ZDHHC14: variants seen among roughly 807,000 people sequenced by gnomAD.
The protein encoded by ZDHHC14 is palmitoyltransferase ZDHHC14.
A neutral mutation model predicts 47.7 loss-of-function variants in ZDHHC14; 16 were observed. The ratio of observed to expected loss-of-function variants is 0.34; its 90% confidence interval spans 0.23 to 0.51. ZDHHC14 has a LOEUF of 0.51. Ranked by LOEUF, ZDHHC14 falls within the 20% of genes least tolerant of loss-of-function variation. The pLI is 0.97. For missense variants in ZDHHC14, 515 were observed against 662.5 expected, an observed-to-expected ratio of 0.78 and a Z score of 2.44; for synonymous variants, 293 against 278.9, an observed-to-expected ratio of 1.05 and a Z score of -0.50.
intron 1 of ZDHHC14, among the ~76,000 whole-genome samples, chr6:157,516,470 A>T (rs1367833342): frequency 6.6e-6 from 1 of 152,092 alleles, no homozygotes; most frequent in Non-Finnish European, 1.5e-5. Flanking sequence ...CCATGATGTC[A>T]TTTGTGGACC....
rs574863327 is a variant in ZDHHC14 at position 157,535,713 on chromosome 6, G to A, written c.246-6872G>A. Among the ~76,000 whole-genome samples the A allele has an allele frequency of 4.6e-5, 7 of 152,272 alleles. No homozygotes were observed. In the East Asian group the frequency reaches 5.8e-4, roughly 13 times the overall value. ...TTTCCAGGCACGGGGTCCTGCCATC[G>A]TGATCTTGTAGGGGAATGTCACTCT... is the stretch of plus-strand genomic sequence containing the variant. On this transcript the variant is annotated intron_variant, in intron 1 of 8. Coordinates refer to ENST00000359775, the MANE Select transcript of ZDHHC14 (RefSeq NM_024630.3).
chr6:157,552,417 G>A (rs993213375), intron 2 of ZDHHC14, among the ~76,000 whole-genome samples: 2 of 152,032 alleles, frequency 1.3e-5, no homozygotes, highest in African/African-American at 2.4e-5. Flanking sequence ...GAGGAGGAGG[G>A]GAGGCCAGAT....
rs1035784669 is a variant in ZDHHC14 at position 157,586,803 on chromosome 6, G to A, written c.407-6185G>A. Among the ~76,000 whole-genome samples the A allele has an allele frequency of 4.6e-5, 7 of 152,150 alleles. No individual in the cohort carries two copies. The highest frequency in any genetic ancestry group is 2.6e-4 in the Admixed American group (4 of 15,278). ...GATCCTTCCATTTCTTTTACATAAA[G>A]AGCTCTCCAAATATTTAGTCAAAGA... On this transcript the variant is annotated intron_variant, in intron 2 of 8. Transcript: ENST00000359775. This position sits in a 1 kb window ranked among gnomAD's most constrained non-coding sequence, Gnocchi z 4.6.
In ZDHHC14 at chr6:157,653,560, C is replaced by A. The variant is rs8180688; in HGVS notation, c.1001C>A (p.Thr334Lys). 2 of 1,613,882 alleles carry A rather than the reference C, an allele frequency of 1.2e-6. No individual in the cohort carries two copies. Among genetic ancestry groups the A allele is most frequent in the Non-Finnish European group, 1.7e-6 (2 of 1,180,008 alleles). Residue 334 changes from threonine to lysine, a missense_variant, in exon 8 of 9, where the codon ACG becomes AAG. By Grantham distance (78) the Thr-to-Lys change is moderately conservative (BLOSUM62 -1). Coordinates refer to ENST00000359775, the MANE Select transcript of ZDHHC14 (RefSeq NM_024630.3). The part of the protein sequence containing the change: ...IDRRGYIQPD[T>K]PQPAAPSNGI... ...AGAAGAGGGTACATCCAGCCCGACA[C>A]GCCGCAGCCAGCAGCACCCTCCAAT... is the stretch of plus-strand genomic sequence containing the variant.
chr6:157,531,997 T>C (rs1439093649), intron 1 of ZDHHC14, among the ~76,000 whole-genome samples: 2 of 152,272 alleles, frequency 1.3e-5, no homozygotes, highest in African/African-American at 4.8e-5. Context: ...GGTAAAGCTG[T>C]GCTCACTGCC....
intron 1 of ZDHHC14, among the ~76,000 whole-genome samples, chr6:157,485,488 T>C (rs1454973629): frequency 1.3e-5 from 2 of 152,202 alleles, no homozygotes; most frequent in Non-Finnish European, 2.9e-5. Flanking sequence ...TTTTCCCATG[T>C]GTTTATGTGG....
chr6:157,516,563 T>C (rs894286308), intron 1 of ZDHHC14, among the ~76,000 whole-genome samples: 7 of 152,232 alleles, frequency 4.6e-5, no homozygotes, highest in African/African-American at 1.4e-4. Flanking sequence ...TGAATGAATG[T>C]CTTCATGAGG....
intron 6 of ZDHHC14, among the ~76,000 whole-genome samples, 161 bp downstream of exon 6, chr6:157,646,000 G>A (rs1777536328): frequency 6.6e-6 from 1 of 152,152 alleles, no homozygotes; most frequent in Non-Finnish European, 1.5e-5. Context: ...TCCACCTGCC[G>A]TTCTGCACGT....
intron 2 of ZDHHC14, among the ~76,000 whole-genome samples, chr6:157,571,047 G>A (rs1194719736): frequency 1.3e-5 from 2 of 152,044 alleles, no homozygotes; most frequent in African/African-American, 4.8e-5. Flanking sequence ...TCTTTACTGG[G>A]GCCATTCTAT....
intron 1 of ZDHHC14, among the ~76,000 whole-genome samples, chr6:157,518,039 G>T (rs1562458323): frequency 1.3e-5 from 2 of 148,844 alleles, no homozygotes; most frequent in African/African-American, 2.4e-5. Flanking sequence ...GGAGGAGGGT[G>T]GGGGGCTGGC....
At chr6:157,556,874 C>T (rs892273927) in intron 2 of ZDHHC14, among the ~76,000 whole-genome samples, 5 of 152,130 alleles carry the variant, frequency 3.3e-5, no homozygotes, top group Admixed American at 3.3e-4. Context: ...GGTGGAGAAG[C>T]CAGTGAGAGG....
intron 1 of ZDHHC14, among the ~76,000 whole-genome samples, chr6:157,443,301 A>G (rs1778596202): frequency 6.6e-6 from 1 of 151,792 alleles, no homozygotes; most frequent in Non-Finnish European, 1.5e-5. Flanking sequence ...AGTCAATTAA[A>G]CCTCTTTCCT....
At chr6:157,656,933 C>G (rs1260698105) in intron 8 of ZDHHC14, among the ~76,000 whole-genome samples, 1 of 152,138 alleles carries the variant, frequency 6.6e-6, no homozygotes, top group Non-Finnish European at 1.5e-5. Flanking sequence ...GAGTAAGGAC[C>G]TGCGGCCCTG....
intron 1 of ZDHHC14, among the ~76,000 whole-genome samples, chr6:157,429,511 C>T (rs1778293595): frequency 6.8e-6 from 1 of 146,102 alleles, no homozygotes; most frequent in Admixed American, 6.9e-5. Context: ...TATGCCTTTG[C>T]CTCTAGCTGT....
At chr6:157,508,791 A>G (rs887491776) in intron 1 of ZDHHC14, among the ~76,000 whole-genome samples, 2 of 152,124 alleles carry the variant, frequency 1.3e-5, no homozygotes, top group African/African-American at 4.8e-5. Flanking sequence ...GTTTCAATGA[A>G]TTTTTAAATT....
Position 157,645,857 on chromosome 6 carries a change from C to T in ZDHHC14, c.855+18C>T, listed in dbSNP as rs771408519. ...ATGAGGACGTAAGTTCCTGACCACA[C>T]GGGACACGGGCGTGTTCTTGGGTTT... On this transcript the variant is annotated intron_variant, in intron 6 of 8. Transcript: ENST00000359775. 41 of 1,605,860 alleles carry T rather than the reference C, an allele frequency of 2.6e-5. No homozygotes were observed. The highest frequency in any genetic ancestry group is 1.3e-4 in the East Asian group (6 of 44,826).
intron 1 of ZDHHC14, among the ~76,000 whole-genome samples, chr6:157,443,931 G>A (rs892901874): frequency 1.3e-5 from 2 of 152,176 alleles, no homozygotes; most frequent in Admixed American, 1.3e-4. Context: ...ACAGAGCCTA[G>A]TGTACCGTAA....
chr6:157,672,647 CTG>C, intron 8 of ZDHHC14, 75 bp from the exon 9 acceptor site: 1 of 871,754 alleles, frequency 1.1e-6, no homozygotes, highest in Non-Finnish European at 1.7e-6. Flanking sequence ...CGCCCGTGCC[CTG>C]TCCCCATCCC....
Position 157,381,874 on chromosome 6 carries a change from A to T in ZDHHC14, c.-148A>T. 1 of 629,338 alleles carries T rather than the reference A, an allele frequency of 1.6e-6. No individual in the cohort carries two copies. Among genetic ancestry groups the T allele is most frequent in the Non-Finnish European group, 2.0e-6 (1 of 509,722 alleles). The allele number at this position is 629,338 out of a possible 1,614,324, so 39.0% of individuals were successfully genotyped here. ...GGGTTAACCTGGGTGTCCTCGGCAA[A>T]GTTGTCGCCGAGCCGGGAGCCCGTG... On this transcript the variant is annotated 5_prime_UTR_variant, in exon 1 of 9. The change creates a new upstream start codon in the 5' untranslated region. Coordinates refer to ENST00000359775, the MANE Select transcript of ZDHHC14 (RefSeq NM_024630.3).
Sources: gnomAD v4.1 joint callset for allele counts (sites outside exome capture counted in the v4.1 genomes callset) on GRCh38, gnomAD v4.1.1 for gene constraint, Gnocchi (gnomAD v3.1) non-coding constraint, MANE v1.5 for transcripts, NCBI Gene and HGNC (gene_info 2026-07-23, HGNC 2026-07-21) for gene names.